Variants in INO80D observed in about 807,000 individuals in gnomAD.
INO80D encodes INO80 complex subunit D.
A neutral mutation model predicts 87.6 loss-of-function variants in INO80D; 21 were observed. That is an observed-to-expected ratio of 0.24 (90% CI 0.17 to 0.35). The LOEUF is 0.35. INO80D is among the 10% of genes least tolerant of loss of function. The pLI is 1.00. For synonymous variants in INO80D, 440 were observed against 491.0 expected (o/e 0.90, Z 1.37); for missense variants, 982 against 1,280.7 (o/e 0.77, Z 3.56).
At chr2:206,081,903 T>A (rs1216569750) in intron 1 of INO80D, among the ~76,000 whole-genome samples, 1 of 152,154 alleles carries the variant, frequency 6.6e-6, no homozygotes, top group African/African-American at 2.4e-5. Flanking sequence ...CATTTTAAGT[T>A]AAAGAAACCA....
intron 5 of INO80D, among the ~76,000 whole-genome samples, chr2:206,031,798 C>G (rs1352685238): frequency 1.3e-5 from 2 of 152,204 alleles, no homozygotes; most frequent in Non-Finnish European, 2.9e-5. Flanking sequence ...CCGAGAGGAC[C>G]TACAGACCCT....
chr2:206,080,819 C>T (rs1363653162), intron 1 of INO80D, among the ~76,000 whole-genome samples: 4 of 137,662 alleles, frequency 2.9e-5, no homozygotes, highest in Non-Finnish European at 4.6e-5. Context: ...AGGAGAATGG[C>T]GTGAACCCGG....
intron 4 of INO80D, among the ~76,000 whole-genome samples, chr2:206,047,507 C>G (rs1689228645): frequency 6.6e-6 from 1 of 152,094 alleles, no homozygotes; most frequent in Non-Finnish European, 1.5e-5. Flanking sequence ...GCGTGAGCCA[C>G]CACATCTGGC....
chr2:206,049,033 C>T (rs1217146830), intron 4 of INO80D, among the ~76,000 whole-genome samples: 1 of 152,128 alleles, frequency 6.6e-6, no homozygotes, highest in Non-Finnish European at 1.5e-5. Flanking sequence ...TTACTAGACA[C>T]CTTGATAACT....
At chr2:206,017,910 G>T in intron 7 of INO80D, 97 bp from the exon 8 acceptor site, 2 of 1,028,734 alleles carry the variant, frequency 1.9e-6, no homozygotes, top group Admixed American at 2.7e-5. Flanking sequence ...ATAAGTACAA[G>T]CTTTATTATC....
At chr2:206,078,954 A>G (rs992858999) in intron 1 of INO80D, among the ~76,000 whole-genome samples, 1 of 152,216 alleles carries the variant, frequency 6.6e-6, no homozygotes, top group African/African-American at 2.4e-5. Context: ...AAAGAAAAGA[A>G]AAAGACATGT....
chr2:206,067,117 G>C (rs1689838062), intron 1 of INO80D, among the ~76,000 whole-genome samples: 1 of 150,922 alleles, frequency 6.6e-6, no homozygotes, highest in Admixed American at 6.6e-5. Context: ...CATGGTGGTG[G>C]GGGCCTGTAA....
At chr2:206,007,189 A>G (rs1688049656) in intron 10 of INO80D, 95 bp downstream of exon 10, 1 of 1,031,672 alleles carries the variant, frequency 9.7e-7, no homozygotes, top group Non-Finnish European at 1.4e-6. Context: ...ATTACATGTG[A>G]GGAGGAATAT....
chr2:206,069,426 G>A (rs1180573443), intron 1 of INO80D, among the ~76,000 whole-genome samples: 1 of 152,058 alleles, frequency 6.6e-6, no homozygotes, highest in African/African-American at 2.4e-5. Context: ...TTAACAGTAG[G>A]CTAGTTAACT....
At chr2:206,005,578 T>C in intron 10 of INO80D, 45 bp from the exon 11 acceptor site, 1 of 1,353,380 alleles carries the variant, frequency 7.4e-7, no homozygotes, top group Non-Finnish European at 1.0e-6. Context: ...CTTTTACCAG[T>C]TCTACATCAC....
chr2:206,006,986 C>T (rs1688044050), intron 10 of INO80D, among the ~76,000 whole-genome samples: 1 of 152,210 alleles, frequency 6.6e-6, no homozygotes, highest in South Asian at 2.1e-4. Flanking sequence ...GCAGAAGCTG[C>T]AGTGAGCCAA....
In INO80D at chr2:206,056,630, G is replaced by A. The variant is rs773913914; in HGVS notation, c.532C>T (p.Arg178Trp). 2.7e-5 allele frequency: 44 copies of A among 1,611,120 alleles called. No individual in the cohort carries two copies. The highest frequency in any genetic ancestry group is 1.7e-4 in the Admixed American group (10 of 59,350). ...KKLQSKLAQN[R>W]QRQRETEILK... The stretch of plus-strand genomic sequence containing the variant: ...ATCTCTGTCTCTCTCTGGCGCTGCC[G>A]ATTCTGGGCCAACTTGCTCTGCAAC... The change falls in exon 4 of 11, where the codon CGG becomes TGG. Residue 178 changes from arginine to tryptophan, a missense_variant. Transcript: ENST00000403263.
intron 6 of INO80D, among the ~76,000 whole-genome samples, chr2:206,021,381 G>C (rs193143251): frequency 1.3e-4 from 20 of 152,290 alleles, no homozygotes; most frequent in Admixed American, 7.2e-4. Context: ...CCTTAACTAA[G>C]ATGTCTACAA....
rs185198784 is a variant in INO80D, at chr2:206,052,384, G to A, written c.964+3814C>T. ...AAGTTTTTGTATTTTTAGTAGAGAC[G>A]GGGTTTCACCATGTTGGCCAAGCTG... is the stretch of plus-strand genomic sequence containing the variant. On this transcript the variant is annotated intron_variant, in intron 4 of 10. Coordinates refer to ENST00000403263, the MANE Select transcript of INO80D (RefSeq NM_017759.5). Among the ~76,000 whole-genome samples the A allele has an allele frequency of 4.9e-3, 744 of 152,114 alleles. 5 individuals are homozygous for A. The highest frequency in any genetic ancestry group is 0.044 in the Middle Eastern group (13 of 294).
chr2:206,043,637 G>C (rs961032756), intron 5 of INO80D, among the ~76,000 whole-genome samples: 2 of 151,984 alleles, frequency 1.3e-5, no homozygotes, highest in African/African-American at 2.4e-5. Context: ...ACAGGCACCC[G>C]CCACCAGGCC....
At chr2:206,066,958 T>C (rs1393829992) in intron 1 of INO80D, among the ~76,000 whole-genome samples, 1 of 151,982 alleles carries the variant, frequency 6.6e-6, no homozygotes, top group East Asian at 1.9e-4. Flanking sequence ...TCATAGAAGC[T>C]AAAAGTAGGC....
rs888353946 is a variant in INO80D, at chr2:206,076,331, C to A, written c.-124+9570G>T. Among the ~76,000 whole-genome samples, 43 of 152,124 alleles carry A rather than the reference C, an allele frequency of 2.8e-4. 1 individual carries two copies. Among genetic ancestry groups the A allele is most frequent in the Admixed American group, 1.3e-4 (2 of 15,258 alleles). On this transcript the variant is annotated intron_variant, in intron 1 of 10. Coordinates refer to ENST00000403263, the MANE Select transcript of INO80D (RefSeq NM_017759.5). ...ACTGTTAAAATCATATTTAGAGTAT[C>A]ATAAAGTCTTAAAAACGTTTTTCCA...
rs530918543 is a variant in INO80D at position 206,042,403 on chromosome 2, A to T, written c.1073+4101T>A. Among the ~76,000 whole-genome samples the T allele has an allele frequency of 8.2e-4, 124 of 151,862 alleles. 6 individuals carry two copies. Among genetic ancestry groups the T allele is most frequent in the Non-Finnish European group, 3.7e-4 (25 of 67,954 alleles). On this transcript the variant is annotated intron_variant, in intron 5 of 10. Coordinates refer to ENST00000403263, the MANE Select transcript of INO80D (RefSeq NM_017759.5). ...GAGAATCAAAGAAACCAAAAGCAATATTAAAAGGTGGCTCACGCCTGTAAT... is the reference window on the plus strand; with the variant it reads ...GAGAATCAAAGAAACCAAAAGCAATTTTAAAAGGTGGCTCACGCCTGTAAT...
At chr2:206,029,290 T>C (rs1316189755) in intron 5 of INO80D, among the ~76,000 whole-genome samples, 6 of 152,194 alleles carry the variant, frequency 3.9e-5, no homozygotes, top group South Asian at 2.1e-4. Flanking sequence ...ATGTGATTAA[T>C]TGGTGTCCTG....
Sources: allele counts gnomAD v4.1 joint callset (sites outside exome capture counted in the v4.1 genomes callset), GRCh38; gene constraint gnomAD v4.1.1; transcripts MANE v1.5; gene names NCBI Gene and HGNC (gene_info 2026-07-23, HGNC 2026-07-21).